Variants in TIAM2 observed in about 807,000 individuals in gnomAD.
The protein encoded by TIAM2 is TIAM Rac1 associated GEF 2.
A neutral mutation model predicts 152.9 loss-of-function variants in TIAM2; 80 were observed. That is an observed-to-expected ratio of 0.52 (90% confidence interval 0.44 to 0.63). TIAM2 has a LOEUF of 0.63. TIAM2 is among the 30% of genes least tolerant of loss of function. TIAM2 has a pLI of 0.00. For synonymous variants in TIAM2, 804 were observed against 838.0 expected (o/e 0.96, Z 0.70); for missense variants, 1,965 against 2,120.1 (o/e 0.93, Z 1.44).
chr6:155,209,039 G>A (rs1781656288), intron 14 of TIAM2, among the ~76,000 whole-genome samples: 1 of 151,892 alleles, frequency 6.6e-6, no homozygotes, highest in Non-Finnish European at 1.5e-5. Flanking sequence ...CGACATAAAG[G>A]CTTTGCTCAA....
chr6:155,064,163 C>A (rs1323530187), intron 1 of TIAM2, among the ~76,000 whole-genome samples: 2 of 152,102 alleles, frequency 1.3e-5, no homozygotes, highest in Non-Finnish European at 2.9e-5. Flanking sequence ...TACACATTTA[C>A]CTGTAAATTC....
chr6:155,247,328 T>A (rs1367741118), intron 19 of TIAM2, among the ~76,000 whole-genome samples: 1 of 152,038 alleles, frequency 6.6e-6, no homozygotes, highest in Admixed American at 6.5e-5. Flanking sequence ...TTAATGGCTT[T>A]TTTGATGTTG....
At chr6:155,254,235 C>A (rs1783860626) in intron 25 of TIAM2, 175 bp downstream of exon 25, 1 of 1,010,866 alleles carries the variant, frequency 9.9e-7, no homozygotes, top group Non-Finnish European at 1.4e-6. Context: ...AAATAAATAT[C>A]AAAATCTTAA....
At chr6:155,051,687 C>T (rs62434511) in intron 1 of TIAM2, among the ~76,000 whole-genome samples, 1 of 152,000 alleles carries the variant, frequency 6.6e-6, no homozygotes, top group Non-Finnish European at 1.5e-5. Context: ...TCTTGTTGCC[C>T]AGGCTGGAGT....
chr6:155,204,787 C>A (rs9384295), intron 14 of TIAM2, among the ~76,000 whole-genome samples: 6 of 151,970 alleles, frequency 3.9e-5, no homozygotes, highest in African/African-American at 1.5e-4. Context: ...TTTTCCGATG[C>A]GGTGACTGCT....
chr6:155,220,815 T>C (rs1782014964), intron 15 of TIAM2, among the ~76,000 whole-genome samples: 1 of 152,222 alleles, frequency 6.6e-6, no homozygotes, highest in Non-Finnish European at 1.5e-5. Flanking sequence ...GTGCAGAATG[T>C]GCAGGTTTGT....
chr6:155,158,639 C>T (rs1032134263), intron 7 of TIAM2, among the ~76,000 whole-genome samples: 6 of 151,908 alleles, frequency 3.9e-5, no homozygotes, highest in African/African-American at 1.5e-4. Context: ...ACTGCAGCCT[C>T]AACCTCCTGG....
chr6:155,051,269 G>A (rs867330885), intron 1 of TIAM2, among the ~76,000 whole-genome samples: 2 of 152,174 alleles, frequency 1.3e-5, no homozygotes, highest in Non-Finnish European at 2.9e-5. Flanking sequence ...GGCACAGCGC[G>A]TAATGGAAAG....
At chr6:155,196,581 G>A (rs768224660) in intron 14 of TIAM2, among the ~76,000 whole-genome samples, 2 of 151,992 alleles carry the variant, frequency 1.3e-5, no homozygotes, top group Non-Finnish European at 2.9e-5. Context: ...CAATGAAAAC[G>A]TTATCTATAA....
At chr6:155,225,019 G>A (rs982306899) in intron 15 of TIAM2, among the ~76,000 whole-genome samples, 2 of 152,264 alleles carry the variant, frequency 1.3e-5, no homozygotes, top group African/African-American at 2.4e-5. Flanking sequence ...GAAATGGTGC[G>A]ATCTTGGCTG....
At chr6:155,050,036 A>G (rs1777284004) in intron 1 of TIAM2, among the ~76,000 whole-genome samples, 1 of 152,230 alleles carries the variant, frequency 6.6e-6, no homozygotes, top group South Asian at 2.1e-4. Context: ...AAATTCTCAG[A>G]AGGTAAGAGA....
intron 14 of TIAM2, among the ~76,000 whole-genome samples, chr6:155,198,761 A>G (rs532358603): frequency 1.3e-5 from 2 of 151,714 alleles, no homozygotes; most frequent in South Asian, 4.2e-4. Context: ...CTTGGAACAC[A>G]TCTTGAGGCT....
Position 155,245,703 on chromosome 6 carries a change from T to A in TIAM2, c.3624T>A (p.His1208Gln), listed in dbSNP as rs538113333. Reference sequence around the variant, plus strand: ...TGTACAGTGGATTCTGTGCTAACCATATCAAAGTACAGAAGGTTCTGGAGC... The same window carrying A: ...TGTACAGTGGATTCTGTGCTAACCAAATCAAAGTACAGAAGGTTCTGGAGC... ...FKLYSGFCANHIKVQKVLERA... is the reference protein window; with the variant it reads ...FKLYSGFCANQIKVQKVLERA... Residue 1208 changes from histidine to glutamine, a missense_variant, in exon 19 of 27, where the codon CAT (histidine) becomes CAA (glutamine). His to Gln is a conservative substitution (Grantham distance 24, BLOSUM62 0). Around this residue, in one of 3 missense-constraint regions of TIAM2, gnomAD observed 935 missense variants for 980.0 expected, o/e 0.95. Transcript: ENST00000682666. 1.2e-6 allele frequency: 2 copies of A among 1,611,864 alleles called. No individual in the cohort carries two copies. Among genetic ancestry groups the A allele is most frequent in the South Asian group, 2.2e-5 (2 of 90,952 alleles).
chr6:155,144,059 C>T (rs111415496), intron 5 of TIAM2, among the ~76,000 whole-genome samples: 36 of 152,276 alleles, frequency 2.4e-4, no homozygotes, highest in African/African-American at 7.9e-4. Flanking sequence ...GCTCCTTTTC[C>T]CTTGCAGCAG....
intron 15 of TIAM2, among the ~76,000 whole-genome samples, chr6:155,225,948 C>T (rs989929489): frequency 5.3e-5 from 8 of 152,308 alleles, no homozygotes; most frequent in African/African-American, 1.9e-4. Flanking sequence ...GCAAGTAGCC[C>T]TTGGCAGTAC....
chr6:155,092,340 C>T (rs1247799334), intron 2 of TIAM2, among the ~76,000 whole-genome samples: 8 of 151,950 alleles, frequency 5.3e-5, no homozygotes, highest in South Asian at 2.1e-4. Flanking sequence ...TCAAGTGATC[C>T]GCCCGTCTCA....
chr6:155,114,038 TTTTTTTTTTTTC>T lies in TIAM2; in HGVS notation c.-117-13440_-117-13429del, dbSNP rs532186086. On this transcript the variant is annotated intron_variant, in intron 2 of 26. Transcript: ENST00000682666. Reference sequence around the variant, plus strand: ...TTTATATATATATATATATATATATTTTTTTTTTTTTCTTTTTTTTTTTTTTTTTTTTTGAAA... The same window carrying T: ...TTTATATATATATATATATATATATTTTTTTTTTTTTTTTTTTTTTTGAAA... Among the ~76,000 whole-genome samples the T allele has an allele frequency of 3.4e-3, 78 of 22,868 alleles. 3 individuals are homozygous for T. Among genetic ancestry groups the T allele is most frequent in the African/African-American group, 9.7e-3 (75 of 7,726 alleles). The allele number at this position is 22,868 out of a possible 152,430, so 15.0% of individuals were successfully genotyped here. A position where few individuals can be genotyped will look rare whatever the true frequency, so the allele number is the denominator to read the frequency against.
intron 7 of TIAM2, among the ~76,000 whole-genome samples, chr6:155,160,025 GGA>G (rs1457059333): frequency 6.6e-6 from 1 of 152,140 alleles, no homozygotes; most frequent in Non-Finnish European, 1.5e-5. Flanking sequence ...GTTTGTGTAG[GGA>G]GAGAATGAGA....
chr6:155,168,919 A>G (rs1780507916), intron 9 of TIAM2: 14 of 1,532,496 alleles, frequency 9.1e-6, no homozygotes, highest in Non-Finnish European at 1.1e-5. Context: ...CCAGTGAGGT[A>G]AACTTTGCTA....
Sources: allele counts gnomAD v4.1 joint callset (sites outside exome capture counted in the v4.1 genomes callset), GRCh38; gene constraint gnomAD v4.1.1; regional missense constraint gnomAD v4.1.1; transcripts MANE v1.5; gene names NCBI Gene and HGNC (gene_info 2026-07-23, HGNC 2026-07-21).